PUM1: variants seen among roughly 807,000 people sequenced by gnomAD.
PUM1 encodes the protein pumilio homolog 1.
Under a neutral mutation model 131.8 loss-of-function variants are expected in PUM1, and 13 were observed. The ratio of observed to expected loss-of-function variants is 0.10; its 90% CI spans 0.06 to 0.16. PUM1 has a LOEUF of 0.16. Ranked by LOEUF, PUM1 falls within the 10% of genes least tolerant of loss-of-function variation. The pLI is 1.00. For missense variants in PUM1, 961 were observed against 1,512.4 expected (o/e 0.64, Z 6.05); for synonymous variants, 509 against 556.5 (o/e 0.91, Z 1.20).
chr1:31,031,277 C>T (rs1643419402), intron 2 of PUM1, among the ~76,000 whole-genome samples: 1 of 152,136 alleles, frequency 6.6e-6, no homozygotes. Flanking sequence ...TTAAATAGAG[C>T]TAGACATTTC....
rs1053916414 is a variant in PUM1 at position 31,065,632 on chromosome 1, T to C, written c.-28A>G. ...GATACTCACGGGCGGAGCGGTAGGA[T>C]GAAGATGGATTTCAGCCCCCCGATC... On this transcript the variant is annotated 5_prime_UTR_variant, in exon 1 of 22. Coordinates refer to ENST00000426105, the MANE Select transcript of PUM1 (RefSeq NM_001020658.2). 38 of 1,548,556 alleles carry C rather than the reference T, an allele frequency of 2.5e-5. No homozygotes were observed. The highest frequency in any genetic ancestry group is 3.1e-5 in the Non-Finnish European group (36 of 1,146,742).
Position 31,031,952 on chromosome 1 carries a change from C to T in PUM1, c.364-3088G>A, listed in dbSNP as rs79671074. ...TTTTTCTCTCTACTCACCCTCCCCA[C>T]CTCCCTCTTTCAGGGTATCTCCCGC... On this transcript the variant is annotated intron_variant, in intron 2 of 21. Transcript: ENST00000426105. Among the ~76,000 whole-genome samples the T allele has an allele frequency of 8.3e-3, 1,263 of 152,140 alleles. 7 individuals are homozygous for T. Among genetic ancestry groups the T allele is most frequent in the Middle Eastern group, 0.031 (9 of 294 alleles).
intron 5 of PUM1, among the ~76,000 whole-genome samples, chr1:30,995,834 A>T (rs1272412622): frequency 1.3e-5 from 2 of 152,202 alleles, no homozygotes; most frequent in East Asian, 3.8e-4. Context: ...ACAGGTATGC[A>T]TCAATTCACT....
Position 31,028,878 on chromosome 1 carries a change from T to C in PUM1, c.364-14A>G. ...CATGGAACGCACCTATTGTTTAGAA[T>C]AGAGAAGGAAAAATCTTCAAGTCAG... On this transcript the variant is annotated splice_polypyrimidine_tract_variant and intron_variant, in intron 2 of 21. Coordinates refer to ENST00000426105, the MANE Select transcript of PUM1 (RefSeq NM_001020658.2). The C allele has an allele frequency of 1.9e-6, 3 of 1,608,176 alleles. No individual in the cohort carries two copies. Among genetic ancestry groups the C allele is most frequent in the East Asian group, 2.2e-5 (1 of 44,840 alleles).
In PUM1 at chr1:31,028,699, A is replaced by G; in HGVS notation, c.432+97T>C. Reference sequence around the variant, plus strand: ...AATGGCAACAAGGAAAAGCAAGCACATATTTCTGGAGACTAGATTTGGACA... The same window carrying G: ...AATGGCAACAAGGAAAAGCAAGCACGTATTTCTGGAGACTAGATTTGGACA... On this transcript the variant is annotated intron_variant, in intron 3 of 21. Transcript: ENST00000426105. 4.9e-6 allele frequency: 5 copies of G among 1,027,372 alleles called. No individual in the cohort carries two copies. In the South Asian group the frequency reaches 6.4e-5, roughly 13 times the overall value. 63.6% of individuals were successfully genotyped at this position (1,027,372 alleles called of 1,614,324 possible). A position where few individuals can be genotyped will look rare whatever the true frequency, so the allele number is the denominator to read the frequency against.
intron 4 of PUM1, among the ~76,000 whole-genome samples, chr1:31,006,734 T>TA: frequency 6.6e-6 from 1 of 152,380 alleles, no homozygotes; most frequent in South Asian, 2.1e-4. Context: ...AACAAAACGT[T>TA]ACAGCTGAAA....
At chr1:31,044,741 G>A (rs1300535311) in intron 2 of PUM1, among the ~76,000 whole-genome samples, 2 of 152,164 alleles carry the variant, frequency 1.3e-5, no homozygotes, top group Non-Finnish European at 2.9e-5. Context: ...GCAATTGCAT[G>A]ATGTCGGCTC....
At chr1:31,009,583 T>C (rs767257505) in intron 3 of PUM1, among the ~76,000 whole-genome samples, 3 of 151,750 alleles carry the variant, frequency 2.0e-5, no homozygotes, top group Non-Finnish European at 4.4e-5. Context: ...ATGGCCAACA[T>C]GGCAAGATCC....
intron 21 of PUM1, 63 bp from the exon 22 acceptor site, chr1:30,933,405 G>A (rs1031342671): frequency 6.7e-7 from 1 of 1,499,412 alleles, no homozygotes; most frequent in Non-Finnish European, 9.1e-7. Flanking sequence ...AGGCTTCCCG[G>A]ACATGCATTT....
At position 31,028,557 on chromosome 1, in the gene PUM1, T is replaced by G. The variant is rs967908621; in HGVS notation, c.432+239A>C. ...ATAGCTGACATTAATATTCAATAATTTGTGCTCACATTTTGGCTACTTTGT... is the reference window on the plus strand; with the variant it reads ...ATAGCTGACATTAATATTCAATAATGTGTGCTCACATTTTGGCTACTTTGT... On this transcript the variant is annotated intron_variant, in intron 3 of 21. Transcript: ENST00000426105. 2.4e-4 allele frequency among the ~76,000 whole-genome samples: 37 copies of G among 152,224 alleles called. 1 individual carries two copies. The highest frequency in any genetic ancestry group is 8.2e-4 in the African/African-American group (34 of 41,452).
rs989104476 is a variant in PUM1 at position 30,974,579 on chromosome 1, G to A, written c.1506+72C>T. ...CATTCACAGTGTTTTTCTATTAGGC[G>A]CAATATTACCTATTAATTATCCACA... is the stretch of plus-strand genomic sequence containing the variant. On this transcript the variant is annotated intron_variant, in intron 10 of 21. Coordinates refer to ENST00000426105, the MANE Select transcript of PUM1 (RefSeq NM_001020658.2). 7.2e-6 allele frequency: 10 copies of A among 1,394,452 alleles called. No individual in the cohort carries two copies. In the South Asian group the frequency reaches 8.6e-5, roughly 12 times the overall value. The allele number at this position is 1,394,452 out of a possible 1,614,324, so 86.4% of individuals were successfully genotyped here. A position where few individuals can be genotyped will look rare whatever the true frequency, so the allele number is the denominator to read the frequency against.
chr1:31,022,940 A>G (rs1348422534), intron 3 of PUM1, among the ~76,000 whole-genome samples: 1 of 152,116 alleles, frequency 6.6e-6, no homozygotes, highest in Non-Finnish European at 1.5e-5. Flanking sequence ...AGGCAGAGGC[A>G]GGTGGATCAC....
intron 1 of PUM1, among the ~76,000 whole-genome samples, chr1:31,063,884 T>C (rs185509454): frequency 8.1e-4 from 123 of 152,298 alleles, no homozygotes; most frequent in African/African-American, 2.9e-3. Context: ...ACCTAAGCAA[T>C]TAACATGTTA....
At chr1:31,055,918 C>G (rs1181799584) in intron 2 of PUM1, among the ~76,000 whole-genome samples, 1 of 152,124 alleles carries the variant, frequency 6.6e-6, no homozygotes, top group African/African-American at 2.4e-5. Context: ...GGAAACACAA[C>G]AAAAGATCTT....
chr1:31,000,518 T>G (rs1043131884), intron 5 of PUM1, among the ~76,000 whole-genome samples: 8 of 152,188 alleles, frequency 5.3e-5, no homozygotes, highest in African/African-American at 1.7e-4. Context: ...TCAGAATCCA[T>G]GCACTTATGG....
In PUM1 at chr1:30,932,833, CTTTTTTTT is replaced by C. The variant is rs1012123112; in HGVS notation, c.*370_*377del. 7.0e-6 allele frequency: 1 copy of C among 143,742 alleles called. No individual in the cohort carries two copies. Among genetic ancestry groups the C allele is most frequent in the Non-Finnish European group, 1.5e-5 (1 of 65,718 alleles). The allele number at this position is 143,742 out of a possible 1,614,324, so 8.9% of individuals were successfully genotyped here. A position where few individuals can be genotyped will look rare whatever the true frequency, so the allele number is the denominator to read the frequency against. ...GAGCTAAAAACCTTTTCCTTTTTTT[CTTTTTTTT>C]TTAAAGCTTTTTTTTTTTGTTAAAC... On this transcript the variant is annotated 3_prime_UTR_variant, in exon 22 of 22. Transcript: ENST00000426105.
At chr1:30,948,969 C>T (rs2124406151) in intron 17 of PUM1, 15 of 401,128 alleles carry the variant, frequency 3.7e-5, no homozygotes, top group South Asian at 2.8e-4. Flanking sequence ...TCCAACATTC[C>T]TTTCTCCCTT....
At chr1:31,001,559 GCCC>G (rs200916619) in intron 5 of PUM1, among the ~76,000 whole-genome samples, 1 of 152,050 alleles carries the variant, frequency 6.6e-6, no homozygotes, top group Admixed American at 6.5e-5. Flanking sequence ...TTTGAATTCA[GCCC>G]CCCATTTCCC....
chr1:30,954,000 G>T lies in PUM1; in HGVS notation c.2324-19C>A. 1 of 1,609,286 alleles carries T rather than the reference G, an allele frequency of 6.2e-7. No homozygotes were observed. The highest frequency in any genetic ancestry group is 8.5e-7 in the Non-Finnish European group (1 of 1,176,666). On this transcript the variant is annotated intron_variant, in intron 14 of 21. Transcript: ENST00000426105. ...AGTCCTCCTGTTGGTTACAGAACAG[G>T]ATAACTTAAGACCACTCTTCAGCAA...
Sources: allele counts gnomAD v4.1 joint callset (sites outside exome capture counted in the v4.1 genomes callset), GRCh38; gene constraint gnomAD v4.1.1; transcripts MANE v1.5; gene names NCBI Gene and HGNC (gene_info 2026-07-23, HGNC 2026-07-21).